The following HMCN1 variants were observed in gnomAD, a reference collection of about 807,000 sequenced individuals.
HMCN1 encodes hemicentin-1.
Under a neutral mutation model 625.9 loss-of-function variants are expected in HMCN1, and 321 were observed. The ratio of observed to expected loss-of-function variants is 0.51; its 90% CI spans 0.47 to 0.56. The LOEUF is 0.56. Ranked by LOEUF, HMCN1 falls within the 20% of genes least tolerant of loss-of-function variation. The probability of loss-of-function intolerance (pLI) is 0.00; values close to 1 mark genes in which losing one functional copy is unlikely to be tolerated. For missense variants in HMCN1, 6,588 were observed against 6,887.3 expected, an observed-to-expected ratio of 0.96 and a Z score of 1.54; for synonymous variants, 2,425 against 2,417.6, an observed-to-expected ratio of 1.00 and a Z score of -0.09.
intron 39 of HMCN1, 125 bp downstream of exon 39, chr1:186,040,004 C>A: frequency 1.1e-6 from 1 of 899,268 alleles, no homozygotes; most frequent in Non-Finnish European, 1.8e-6. Context: ...TTTAAATACA[C>A]ATATGCAACC....
intron 2 of HMCN1, among the ~76,000 whole-genome samples, chr1:185,847,830 G>A (rs1661920920): frequency 6.6e-6 from 1 of 151,950 alleles, no homozygotes; most frequent in African/African-American, 2.4e-5. Context: ...GTGCATGCCT[G>A]TAGTCCCAGC....
intron 71 of HMCN1, among the ~76,000 whole-genome samples, chr1:186,111,216 C>T (rs1473175097): frequency 2.0e-5 from 3 of 151,720 alleles, no homozygotes; most frequent in Non-Finnish European, 4.4e-5. Flanking sequence ...CTCCTGACCT[C>T]GTGATCCACC....
At position 185,963,863 on chromosome 1, in the gene HMCN1, C is replaced by A. The variant is rs527805194; in HGVS notation, c.2066C>A (p.Thr689Lys). The change falls in exon 13 of 107, where the codon ACA becomes AAA. Residue 689 changes from threonine to lysine, a missense_variant. Transcript: ENST00000271588. ...TGCCTAGCAAGTAATTCAGCTGGAA[C>A]AGATAAACAGAATTCTACTCTCAGA... Reference protein sequence around the residue: ...YGCLASNSAGTDKQNSTLRYI... With the variant: ...YGCLASNSAGKDKQNSTLRYI... The A allele has an allele frequency of 6.2e-7, 1 of 1,612,072 alleles. No individual in the cohort carries two copies. Among genetic ancestry groups the A allele is most frequent in the African/African-American group, 1.3e-5 (1 of 74,904 alleles).
chr1:185,859,201 T>G (rs1662715410), intron 2 of HMCN1, among the ~76,000 whole-genome samples: 1 of 151,864 alleles, frequency 6.6e-6, no homozygotes, highest in Admixed American at 6.6e-5. Context: ...TGGAGTAAGT[T>G]GTACCTTGAT....
intron 2 of HMCN1, among the ~76,000 whole-genome samples, chr1:185,847,709 T>A (rs1661911541): frequency 6.6e-6 from 1 of 152,068 alleles, no homozygotes; most frequent in African/African-American, 2.4e-5. Flanking sequence ...CAGTGCTGCT[T>A]TGGGAGGCAA....
At chr1:186,145,645 G>T (rs1558257992) in intron 92 of HMCN1, 72 bp downstream of exon 92, 5 of 1,609,680 alleles carry the variant, frequency 3.1e-6, no homozygotes, top group Non-Finnish European at 3.4e-6. Context: ...CAGGCCTATT[G>T]CTTCAGACCT....
chr1:186,169,999 A>T (rs1652122287), intron 100 of HMCN1, among the ~76,000 whole-genome samples: 1 of 152,152 alleles, frequency 6.6e-6, no homozygotes. Context: ...ACCATCAAAA[A>T]GTGGTCAAAG....
At chr1:185,982,954 A>G (rs945969662) in intron 18 of HMCN1, among the ~76,000 whole-genome samples, 2 of 152,070 alleles carry the variant, frequency 1.3e-5, no homozygotes, top group Non-Finnish European at 2.9e-5. Flanking sequence ...TCACTAGTGA[A>G]CTTTTTTCAG....
chr1:186,175,876 C>CA (rs758445916), intron 103 of HMCN1, among the ~76,000 whole-genome samples: 7,421 of 75,908 alleles, frequency 0.098, 347 homozygotes, highest in East Asian at 0.19. Flanking sequence ...AACTATGTCT[C>CA]AAAAAAAAAA....
intron 83 of HMCN1, 33 bp downstream of exon 83, chr1:186,128,324 T>C (rs751233661): frequency 1.3e-6 from 2 of 1,520,048 alleles, no homozygotes; most frequent in Admixed American, 1.7e-5. Flanking sequence ...AGTGAATAAA[T>C]ACACCTATGT....
At chr1:186,114,231 C>A in intron 73 of HMCN1, 108 bp downstream of exon 73, 1 of 1,072,692 alleles carries the variant, frequency 9.3e-7, no homozygotes, top group South Asian at 1.3e-5. Flanking sequence ...ATCAGCATTT[C>A]ATCTTAATAC....
intron 1 of HMCN1, among the ~76,000 whole-genome samples, chr1:185,786,988 A>G (rs1657621811): frequency 6.6e-6 from 1 of 152,196 alleles, no homozygotes; most frequent in Admixed American, 6.5e-5. Context: ...TTTGTTTTTC[A>G]CCATTTTCTC....
intron 98 of HMCN1, 80 bp downstream of exon 98, chr1:186,165,253 C>CTAGGTA: frequency 8.7e-7 from 1 of 1,148,020 alleles, no homozygotes; most frequent in Non-Finnish European, 1.3e-6. Context: ...ATCTATTGCC[C>CTAGGTA]TTTCACTAGG....
intron 15 of HMCN1, 115 bp downstream of exon 15, chr1:185,970,608 G>A: frequency 1.1e-6 from 1 of 875,850 alleles, no homozygotes; most frequent in Non-Finnish European, 1.9e-6. Flanking sequence ...AAAATTAGAG[G>A]GTGCATTTCA....
intron 36 of HMCN1, among the ~76,000 whole-genome samples, chr1:186,029,639 G>T (rs528579959): frequency 1.3e-5 from 2 of 151,450 alleles, no homozygotes; most frequent in South Asian, 4.2e-4. Context: ...TAGTGTAGCT[G>T]AAGTCTTTTT....
At chr1:185,806,084 TATA>T (rs1284936069) in intron 1 of HMCN1, among the ~76,000 whole-genome samples, 2 of 150,306 alleles carry the variant, frequency 1.3e-5, no homozygotes, top group Admixed American at 6.6e-5. Flanking sequence ...ATAATAATAA[TATA>T]ATAATAGGTA....
rs1205815338 is a variant in HMCN1, at chr1:186,130,066, C to T, written c.13005C>T (p.Gly4335=). Residue 4335 remains glycine (G), a synonymous_variant, in exon 84 of 107, where the codon GGC becomes GGT. Coordinates refer to ENST00000271588, the MANE Select transcript of HMCN1 (RefSeq NM_031935.3). ...TGTGCACCGCAGAGAACAGCGTTGG[C>T]TTTGTGAAGGCAATTGGATTTGTTT... is the stretch of plus-strand genomic sequence containing the variant. ...TYVCTAENSV[G]FVKAIGFVYV... 2 of 1,613,080 alleles carry T rather than the reference C, an allele frequency of 1.2e-6. No individual in the cohort carries two copies. Among genetic ancestry groups the T allele is most frequent in the Non-Finnish European group, 1.7e-6 (2 of 1,179,396 alleles).
intron 1 of HMCN1, among the ~76,000 whole-genome samples, chr1:185,765,481 C>G (rs543664763): frequency 9.1e-4 from 138 of 152,178 alleles, no homozygotes; most frequent in African/African-American, 3.3e-3. Context: ...GTACTGGGTA[C>G]TATTTGAAGC....
At chr1:186,029,019 A>G (rs1410458264) in intron 36 of HMCN1, among the ~76,000 whole-genome samples, 1 of 152,104 alleles carries the variant, frequency 6.6e-6, no homozygotes, top group Non-Finnish European at 1.5e-5. Context: ...GGGGCGAGCC[A>G]CTGTGCCTGG....
Sources: allele counts gnomAD v4.1 joint callset (sites outside exome capture counted in the v4.1 genomes callset), GRCh38; gene constraint gnomAD v4.1.1; transcripts MANE v1.5; gene names NCBI Gene and HGNC (gene_info 2026-07-23, HGNC 2026-07-21).